ERC1: variants seen among roughly 807,000 people sequenced by gnomAD.
ERC1 encodes RAB6 interacting protein 2.
Under a neutral mutation model 132.0 loss-of-function variants are expected in ERC1, and 56 were observed. That is an observed-to-expected ratio of 0.42 (90% CI 0.34 to 0.53). The LOEUF is 0.53. Among genes scored for constraint, ERC1 ranks in the 20% least tolerant of loss-of-function variants. The pLI is 0.03. For synonymous variants in ERC1, 478 were observed against 476.1 expected, an observed-to-expected ratio of 1.00 and a Z score of -0.05; for missense variants, 1,202 against 1,349.9, an observed-to-expected ratio of 0.89 and a Z score of 1.72.
rs186567196 is a variant in ERC1, at chr12:1,129,169, A to T, written c.1570-12451A>T. Among the ~76,000 whole-genome samples, 740 of 152,318 alleles carry T rather than the reference A, an allele frequency of 4.9e-3. 2 individuals carry two copies. The highest frequency in any genetic ancestry group is 6.8e-3 in the Middle Eastern group (2 of 292). On this transcript the variant is annotated intron_variant, in intron 7 of 18. Transcript: ENST00000360905. ...TACATACAGCATAGTGGAACCATAG[A>T]TAAACTAATCTTAAATACTGCCAGG...
chr12:1,138,162 T>C (rs1304271508), intron 7 of ERC1, among the ~76,000 whole-genome samples: 12 of 86,786 alleles, frequency 1.4e-4, no homozygotes, highest in Non-Finnish European at 1.6e-4. Context: ...TTACATAATA[T>C]ATATAATTGT....
chr12:1,490,347 G>T lies in ERC1; in HGVS notation c.*117G>T. On this transcript the variant is annotated 3_prime_UTR_variant, in exon 19 of 19. Coordinates refer to ENST00000360905, the MANE Select transcript of ERC1 (RefSeq NM_178040.4). ...AACACTACAAACTTCATCCCAACTT[G>T]CTCACTTGAAGAAGTGTGATTCCAG... is the stretch of plus-strand genomic sequence containing the variant. 1.0e-6 allele frequency: 1 copy of T among 997,058 alleles called. No individual in the cohort carries two copies. The highest frequency in any genetic ancestry group is 2.6e-5 in the East Asian group (1 of 38,538). The allele number at this position is 997,058 out of a possible 1,614,324, so 61.8% of individuals were successfully genotyped here.
intron 8 of ERC1, among the ~76,000 whole-genome samples, chr12:1,165,020 T>G (rs1566122859): frequency 1.3e-5 from 2 of 152,198 alleles, no homozygotes; most frequent in African/African-American, 2.4e-5. Flanking sequence ...CAGAAAGAAT[T>G]CTGAACAACT....
intron 12 of ERC1, among the ~76,000 whole-genome samples, chr12:1,234,266 T>C (rs555145887): frequency 6.6e-6 from 1 of 152,220 alleles, no homozygotes; most frequent in Non-Finnish European, 1.5e-5. Flanking sequence ...TGTAATATGA[T>C]ACTCTCTTGT....
intron 12 of ERC1, among the ~76,000 whole-genome samples, chr12:1,223,061 A>T (rs1461114867): frequency 6.6e-6 from 1 of 152,220 alleles, no homozygotes; most frequent in Non-Finnish European, 1.5e-5. Context: ...CAAATGTTTA[A>T]TGAGCACCTA....
chr12:1,094,027 T>TG (rs1294362236), intron 3 of ERC1, among the ~76,000 whole-genome samples: 1 of 137,790 alleles, frequency 7.3e-6, no homozygotes, highest in Non-Finnish European at 1.6e-5. Context: ...AAGAAATTTT[T>TG]TTTTTTTTTG....
At chr12:1,358,865 T>C (rs1241543080) in intron 15 of ERC1, among the ~76,000 whole-genome samples, 1 of 152,384 alleles carries the variant, frequency 6.6e-6, no homozygotes, top group East Asian at 1.9e-4. Context: ...GTTCGCACTC[T>C]GGATTGATTT....
At chr12:1,256,775 C>A (rs1177373570) in intron 13 of ERC1, among the ~76,000 whole-genome samples, 1 of 150,618 alleles carries the variant, frequency 6.6e-6, no homozygotes, top group East Asian at 2.0e-4. Flanking sequence ...ATAATATCTG[C>A]CTTTATATTT....
intron 8 of ERC1, among the ~76,000 whole-genome samples, chr12:1,169,485 G>A (rs573136264): frequency 6.6e-6 from 1 of 152,196 alleles, no homozygotes; most frequent in Admixed American, 6.5e-5. Context: ...CGCTCCCTCT[G>A]TACAATCCTC....
At chr12:1,464,990 T>A (rs1363831187) in intron 18 of ERC1, among the ~76,000 whole-genome samples, 1 of 152,136 alleles carries the variant, frequency 6.6e-6, no homozygotes, top group Admixed American at 6.5e-5. Context: ...CCCTAATTGC[T>A]TTTTTCCTTT....
At chr12:1,456,414 G>A (rs1382615458) in intron 18 of ERC1, among the ~76,000 whole-genome samples, 2 of 152,040 alleles carry the variant, frequency 1.3e-5, no homozygotes, top group Admixed American at 6.6e-5. Context: ...TCTACCAAGC[G>A]TATGTTGTTG....
chr12:1,369,039 G>A (rs1048372791), intron 15 of ERC1, among the ~76,000 whole-genome samples: 2 of 151,992 alleles, frequency 1.3e-5, no homozygotes, highest in African/African-American at 2.4e-5. Flanking sequence ...ATAGTCCATA[G>A]CATATTATCA....
chr12:1,111,662 A>G (rs1236623704), intron 5 of ERC1, among the ~76,000 whole-genome samples: 1 of 149,644 alleles, frequency 6.7e-6, no homozygotes, highest in Non-Finnish European at 1.5e-5. Flanking sequence ...TTTGTCGACC[A>G]GGCTGGAGTG....
intron 15 of ERC1, among the ~76,000 whole-genome samples, chr12:1,305,695 G>A (rs2080829463): frequency 6.6e-6 from 1 of 152,128 alleles, no homozygotes; most frequent in Admixed American, 6.6e-5. Flanking sequence ...TTTATCACAA[G>A]TACAAGTTCC....
intron 2 of ERC1, among the ~76,000 whole-genome samples, chr12:1,037,603 T>C (rs1218362159): frequency 1.3e-5 from 2 of 152,206 alleles, no homozygotes; most frequent in Non-Finnish European, 2.9e-5. Context: ...AATTATACTC[T>C]TAAGTATTTG....
At chr12:1,382,797 T>C (rs2088837846) in intron 16 of ERC1, among the ~76,000 whole-genome samples, 1 of 152,178 alleles carries the variant, frequency 6.6e-6, no homozygotes. Flanking sequence ...TCTATAGAAA[T>C]TTGCTTTTTT....
At chr12:1,334,083 T>G (rs1449824042) in intron 15 of ERC1, among the ~76,000 whole-genome samples, 2 of 152,236 alleles carry the variant, frequency 1.3e-5, no homozygotes, top group South Asian at 2.1e-4. Context: ...TTTTGCCCAC[T>G]TTTTAATGGG....
At chr12:1,312,498 A>G (rs1026516921) in intron 15 of ERC1, among the ~76,000 whole-genome samples, 2 of 152,032 alleles carry the variant, frequency 1.3e-5, no homozygotes, top group Non-Finnish European at 2.9e-5. Context: ...AGTTGGGATT[A>G]TAGGTGCCTG....
intron 3 of ERC1, among the ~76,000 whole-genome samples, chr12:1,103,488 TCAGTTAGAAG>T (rs1944903159): frequency 6.6e-6 from 1 of 152,180 alleles, no homozygotes; most frequent in Non-Finnish European, 1.5e-5. Context: ...AAAGCAGAGC[TCAGTTAGAAG>T]GTTGTTATGG....
Sources: allele counts gnomAD v4.1 joint callset (sites outside exome capture counted in the v4.1 genomes callset), GRCh38; gene constraint gnomAD v4.1.1; transcripts MANE v1.5; gene names NCBI Gene and HGNC (gene_info 2026-07-23, HGNC 2026-07-21).